RELN: variants seen among roughly 807,000 people sequenced by gnomAD.
The protein encoded by RELN is reelin.
A neutral mutation model predicts 427.6 loss-of-function variants in RELN; 108 were observed. That is an observed-to-expected ratio of 0.25 (90% CI 0.22 to 0.30). The LOEUF is 0.30. RELN is among the 10% of genes least tolerant of loss of function. RELN has a pLI of 1.00. For synonymous variants in RELN, 1,524 were observed against 1,513.4 expected (o/e 1.01, Z -0.16); for missense variants, 3,715 against 4,302.8 (o/e 0.86, Z 3.82).
At chr7:103,925,977 T>G (rs973106079) in intron 1 of RELN, among the ~76,000 whole-genome samples, 13 of 152,260 alleles carry the variant, frequency 8.5e-5, no homozygotes, top group Admixed American at 6.5e-4. Flanking sequence ...CTATTATGTT[T>G]TTTTTACGTT....
intron 3 of RELN, among the ~76,000 whole-genome samples, chr7:103,803,281 A>G (rs942110004): frequency 1.1e-4 from 17 of 152,168 alleles, no homozygotes; most frequent in Admixed American, 6.6e-5. Flanking sequence ...ACACTAATGT[A>G]CTCACAGTGA....
chr7:103,767,642 C>T (rs1299233561), intron 4 of RELN, among the ~76,000 whole-genome samples: 1 of 152,172 alleles, frequency 6.6e-6, no homozygotes, highest in Non-Finnish European at 1.5e-5. Context: ...AAACTGATTT[C>T]TCCTAGTTCC....
chr7:103,557,318 G>A (rs1830547010), intron 37 of RELN, among the ~76,000 whole-genome samples, 159 bp from the exon 38 acceptor site: 1 of 152,208 alleles, frequency 6.6e-6, no homozygotes, highest in African/African-American at 2.4e-5. Context: ...GGGGATGACA[G>A]GTTGGGCTTT....
chr7:103,492,827 A>G (rs1828715491), intron 57 of RELN, among the ~76,000 whole-genome samples: 1 of 152,202 alleles, frequency 6.6e-6, no homozygotes, highest in African/African-American at 2.4e-5. Context: ...AAGACTGGGA[A>G]GAGTGTGAGA....
At chr7:103,800,030 G>A (rs191295422) in intron 3 of RELN, among the ~76,000 whole-genome samples, 55 of 152,248 alleles carry the variant, frequency 3.6e-4, no homozygotes, top group Admixed American at 1.7e-3. Flanking sequence ...AGCCAATATT[G>A]TACTGAATGG....
chr7:103,890,109 T>C (rs1469805784), intron 2 of RELN, among the ~76,000 whole-genome samples: 1 of 152,076 alleles, frequency 6.6e-6, no homozygotes, highest in African/African-American at 2.4e-5. Context: ...CATCACTATG[T>C]CTCTGGTTTT....
intron 1 of RELN, among the ~76,000 whole-genome samples, chr7:103,945,995 G>A (rs538458982): frequency 6.6e-6 from 1 of 152,250 alleles, no homozygotes; most frequent in South Asian, 2.1e-4. Context: ...AATTGCTAAT[G>A]ACACATTTCT....
At chr7:103,805,722 GC>G (rs1173723996) in intron 3 of RELN, among the ~76,000 whole-genome samples, 1 of 152,162 alleles carries the variant, frequency 6.6e-6, no homozygotes, top group African/African-American at 2.4e-5. Context: ...ATCAAAATGT[GC>G]TACAATTGGT....
chr7:103,882,383 A>G (rs1034773582), intron 2 of RELN, among the ~76,000 whole-genome samples: 11 of 152,204 alleles, frequency 7.2e-5, no homozygotes, highest in East Asian at 3.8e-4. Flanking sequence ...AATCTCAGTT[A>G]TCTTTGAATG....
At chr7:103,930,047 G>C (rs748905598) in intron 1 of RELN, among the ~76,000 whole-genome samples, 1 of 152,224 alleles carries the variant, frequency 6.6e-6, no homozygotes, top group Non-Finnish European at 1.5e-5. Context: ...CTCATGCCAA[G>C]TCTATTAGCT....
At chr7:103,718,415 A>T (rs547736487) in intron 8 of RELN, among the ~76,000 whole-genome samples, 5 of 152,160 alleles carry the variant, frequency 3.3e-5, no homozygotes, top group Admixed American at 6.6e-5. Context: ...CTCAAGAGAA[A>T]AGGTACTAAT....
intron 3 of RELN, among the ~76,000 whole-genome samples, chr7:103,804,510 G>T (rs2116320988): frequency 2.0e-5 from 3 of 151,920 alleles, no homozygotes. Context: ...GCATATATTA[G>T]CTATGTAAAT....
chr7:103,536,709 G>A (rs995920078), intron 45 of RELN, among the ~76,000 whole-genome samples: 2 of 152,212 alleles, frequency 1.3e-5, no homozygotes, highest in African/African-American at 4.8e-5. Flanking sequence ...TGAGTCTCCT[G>A]TCTTTTATTC....
At chr7:103,671,879 G>A (rs528463211) in intron 11 of RELN, among the ~76,000 whole-genome samples, 144 of 152,188 alleles carry the variant, frequency 9.5e-4, no homozygotes, top group Middle Eastern at 6.8e-3. Flanking sequence ...GAACATGACT[G>A]TAAAAACAAA....
At chr7:103,833,767 T>TAAG in intron 2 of RELN, 95 bp from the exon 3 acceptor site, 1 of 1,275,302 alleles carries the variant, frequency 7.8e-7, no homozygotes, top group Non-Finnish European at 1.1e-6. Context: ...TTCTTTCATG[T>TAAG]TAAGGTTCTA....
rs1490418823 is a variant in RELN at position 103,489,785 on chromosome 7, G to A, written c.9720C>T (p.Tyr3240=). 1.2e-6 allele frequency: 2 copies of A among 1,614,176 alleles called. No homozygotes were observed. Among genetic ancestry groups the A allele is most frequent in the South Asian group, 2.2e-5 (2 of 91,078 alleles). ...ACPKLCSGHG[Y]CTTGAICICD... is the part of the protein sequence containing the mutation. ...AGATGCAGATGGCACCGGTCGTGCA[G>A]TATCCGTGCCCGCTGCAGAGCTTGG... is the stretch of plus-strand genomic sequence containing the variant. The change falls in exon 60 of 65, where the codon TAC becomes TAT. Residue 3240 remains tyrosine, a synonymous_variant. Transcript: ENST00000428762.
chr7:103,988,880 A>T lies in RELN; in HGVS notation c.226+251T>A, dbSNP rs1355062046. On this transcript the variant is annotated intron_variant, in intron 1 of 64. Transcript: ENST00000428762. The surrounding 1 kb of genome is among the most constrained non-coding windows in gnomAD (Gnocchi z 4.9). Reference sequence around the variant, plus strand: ...AAGACACCGGCCTCCAAGAATTCTCAGGCGTTTAGCACAAGCACCAGCTCA... The same window carrying T: ...AAGACACCGGCCTCCAAGAATTCTCTGGCGTTTAGCACAAGCACCAGCTCA... Among the ~76,000 whole-genome samples the T allele has an allele frequency of 2.0e-5, 3 of 152,196 alleles. No homozygotes were observed. Among genetic ancestry groups the T allele is most frequent in the Non-Finnish European group, 4.4e-5 (3 of 68,026 alleles).
intron 27 of RELN, among the ~76,000 whole-genome samples, chr7:103,592,946 C>A (rs1831454455): frequency 6.6e-6 from 1 of 152,046 alleles, no homozygotes; most frequent in Non-Finnish European, 1.5e-5. Flanking sequence ...GTTTACAGAC[C>A]TGTGGAAATT....
rs142857255 is a variant in RELN, at chr7:103,968,092, A to C, written c.226+21039T>G. On this transcript the variant is annotated intron_variant, in intron 1 of 64. Coordinates refer to ENST00000428762, the MANE Select transcript of RELN (RefSeq NM_005045.4). The surrounding 1 kb of genome is among the most constrained non-coding windows in gnomAD (Gnocchi z 4.3). ...TCAAAGTATATATTTCTCAAACTTG[A>C]TGGCAGGAAAAACTCAACTTGTATT... Among the ~76,000 whole-genome samples, 510 of 151,176 alleles carry C rather than the reference A, an allele frequency of 3.4e-3. 3 individuals carry two copies. Among genetic ancestry groups the C allele is most frequent in the African/African-American group, 0.012 (483 of 41,350 alleles).
Sources: gnomAD v4.1 joint callset for allele counts (sites outside exome capture counted in the v4.1 genomes callset) on GRCh38, gnomAD v4.1.1 for gene constraint, Gnocchi (gnomAD v3.1) non-coding constraint, MANE v1.5 for transcripts, NCBI Gene and HGNC (gene_info 2026-07-23, HGNC 2026-07-21) for gene names.